Variants in CEL observed in about 807,000 individuals in gnomAD.
The protein encoded by CEL is carboxyl ester lipase.
A neutral mutation model predicts 57.1 loss-of-function variants in CEL; 39 were observed. The observed-to-expected ratio is 0.68, with a 90% confidence interval of 0.53 to 0.89. The LOEUF is 0.89. Ranked by LOEUF, CEL falls within the 40% of genes least tolerant of loss-of-function variation. The pLI is 0.00. For synonymous variants in CEL, 314 were observed against 396.6 expected (o/e 0.79, Z 2.48); for missense variants, 698 against 915.0 (o/e 0.76, Z 3.06).
Position 133,070,608 on chromosome 9 carries a change from G to T in CEL, c.1434G>T (p.Arg478Ser). 1.2e-6 allele frequency: 2 copies of T among 1,614,134 alleles called. No individual in the cohort carries two copies. The highest frequency in any genetic ancestry group is 8.5e-7 in the Non-Finnish European group (1 of 1,180,024). ...ATPTGYRPQD[R>S]TVSKAMIAYW... ...CCACGGGCTACCGGCCCCAAGACAG[G>T]ACAGTCTCTAAGGCCATGATCGCCT... Residue 478 changes from arginine to serine, a missense_variant, in exon 10 of 11, where the codon AGG becomes AGT. By Grantham distance (110) the Arg-to-Ser change is moderately radical. Transcript: ENST00000372080.
At position 133,065,036 on chromosome 9, in the gene CEL, T is replaced by C. The variant is rs1381915299; in HGVS notation, c.341-4T>C. On this transcript the variant is annotated splice_region_variant and splice_polypyrimidine_tract_variant and intron_variant, in intron 3 of 10. Transcript: ENST00000372080. ...TGGGGTCACCAGCCGCTCCCCCATC[T>C]CAGTCTCCCGGGACCTGCCCGTTAT... 2 of 1,612,108 alleles carry C rather than the reference T, an allele frequency of 1.2e-6. No homozygotes were observed. The highest frequency in any genetic ancestry group is 2.2e-5 in the East Asian group (1 of 44,838).
In CEL at chr9:133,066,909, G is replaced by T. The variant is rs1320889692; in HGVS notation, c.741G>T (p.Trp247Cys). Residue 247 changes from tryptophan to cysteine, a missense_variant, in exon 6 of 11, where the codon TGG (tryptophan) becomes TGT (cysteine). Around this residue, in one of 6 missense-constraint regions of CEL, gnomAD observed 327 missense variants for 374.1 expected, o/e 0.87. Coordinates refer to ENST00000372080, the MANE Select transcript of CEL (RefSeq NM_001807.6). This position sits in a 1 kb window ranked among gnomAD's most constrained non-coding sequence, Gnocchi z 4.3. ...ISQSGVALSPWVIQKNPLFWA... is the reference protein window; with the variant it reads ...ISQSGVALSPCVIQKNPLFWA... ...AGAGCGGCGTGGCCCTGAGTCCCTG[G>T]GTCATCCAGAAAAACCCACTCTTCT... 3.7e-6 allele frequency: 6 copies of T among 1,612,808 alleles called. No individual in the cohort carries two copies. The highest frequency in any genetic ancestry group is 5.1e-6 in the Non-Finnish European group (6 of 1,179,456).
chr9:133,071,230 C>T lies in CEL; in HGVS notation c.1728C>T (p.Asp576=). 1.3e-6 allele frequency: 2 copies of T among 1,591,972 alleles called. No homozygotes were observed. Among genetic ancestry groups the T allele is most frequent in the South Asian group, 2.3e-5 (2 of 87,208 alleles). ...SEATPVPPTG[D]SETAPVPPTG... is the part of the protein sequence containing the mutation. ...CCACTCCCGTGCCCCCCACGGGTGA[C>T]TCCGAGACCGCCCCCGTGCCGCCCA... is the stretch of plus-strand genomic sequence containing the variant. The change falls in exon 11 of 11, where the codon GAC becomes GAT. Residue 576 remains aspartate, a synonymous_variant. Transcript: ENST00000372080.
rs984492184 is a variant in CEL, at chr9:133,071,531, G to A, written c.2029G>A (p.Gly677Arg). Residue 677 changes from glycine (G) to arginine (R), a missense_variant, in exon 11 of 11, where the codon GGG becomes AGG. Physicochemically the swap from Gly to Arg is moderately radical, Grantham distance 125. Transcript: ENST00000372080. Reference protein sequence around the residue: ...APPVPPTGDAGPPPVPPTGDS... With the variant: ...APPVPPTGDARPPPVPPTGDS... ...CCCCGTGCCGCCCACGGGTGACGCCGGGCCCCCCCCCGTGCCGCCCACGGG... is the reference window on the plus strand; with the variant it reads ...CCCCGTGCCGCCCACGGGTGACGCCAGGCCCCCCCCCGTGCCGCCCACGGG... The A allele has an allele frequency of 9.2e-6, 8 of 865,876 alleles. No individual in the cohort carries two copies. The highest frequency in any genetic ancestry group is 9.0e-5 in the African/African-American group (4 of 44,526). 53.6% of individuals were successfully genotyped at this position (865,876 alleles called of 1,614,324 possible).
intron 1 of CEL, 86 bp from the exon 2 acceptor site, chr9:133,064,318 C>T (rs1830138379): frequency 6.3e-7 from 1 of 1,575,808 alleles, no homozygotes; most frequent in Non-Finnish European, 8.6e-7. Flanking sequence ...TGCCTCTGGG[C>T]ACGCGGAGTC....
chr9:133,066,506 C>T lies in CEL; in HGVS notation c.539-24C>T. On this transcript the variant is annotated intron_variant, in intron 4 of 10. Coordinates refer to ENST00000372080, the MANE Select transcript of CEL (RefSeq NM_001807.6). The surrounding 1 kb of genome is among the most constrained non-coding windows in gnomAD (Gnocchi z 4.3). ...AGGCCTGGGCCACTGGTCTCTAGCA[C>T]CCCCTCCCCTGCCCTGCCCCCAGGT... 1 of 1,613,644 alleles carries T rather than the reference C, an allele frequency of 6.2e-7. No individual in the cohort carries two copies. Among genetic ancestry groups the T allele is most frequent in the South Asian group, 1.1e-5 (1 of 91,088 alleles).
At position 133,071,057 on chromosome 9, in the gene CEL, C is replaced by G; in HGVS notation, c.1555C>G (p.Leu519Val). 1 of 1,613,234 alleles carries G rather than the reference C, an allele frequency of 6.2e-7. No homozygotes were observed. Among genetic ancestry groups the G allele is most frequent in the Non-Finnish European group, 8.5e-7 (1 of 1,179,830 alleles). The change falls in exon 11 of 11, where the codon CTG (leucine) becomes GTG (valine). Residue 519 changes from leucine to valine, a missense_variant. Coordinates refer to ENST00000372080, the MANE Select transcript of CEL (RefSeq NM_001807.6). ...CTACACTACGGAAAACAGCGGCTACCTGGAGATCACCAAGAAGATGGGCAG... is the reference window on the plus strand; with the variant it reads ...CTACACTACGGAAAACAGCGGCTACGTGGAGATCACCAAGAAGATGGGCAG... ...EPYTTENSGY[L>V]EITKKMGSSS...
Position 133,064,564 on chromosome 9 carries a change from G to C in CEL, c.217+10G>C. On this transcript the variant is annotated intron_variant, in intron 2 of 10. Coordinates refer to ENST00000372080, the MANE Select transcript of CEL (RefSeq NM_001807.6). ...CATCCTGGCTGGCAAGGTGGGAGTG[G>C]GTGGTGCCGGACTGGCCCTGCGGCG... 1 of 1,614,112 alleles carries C rather than the reference G, an allele frequency of 6.2e-7. No homozygotes were observed. The highest frequency in any genetic ancestry group is 8.5e-7 in the Non-Finnish European group (1 of 1,179,984).
At chr9:133,068,602 G>A in intron 7 of CEL, 70 bp from the exon 8 acceptor site, 1 of 1,609,312 alleles carries the variant, frequency 6.2e-7, no homozygotes, top group African/African-American at 1.3e-5. Flanking sequence ...CCAGCCCTGA[G>A]AGGCAAGGGG....
intron 10 of CEL, 75 bp from the exon 11 acceptor site, chr9:133,070,912 G>A (rs11243991): frequency 6.4e-7 from 1 of 1,551,684 alleles, no homozygotes; most frequent in Non-Finnish European, 8.8e-7. Flanking sequence ...GGATGGCTCA[G>A]GCGTGCAGGT....
Position 133,065,253 on chromosome 9 carries a change from C to T in CEL, c.538+16C>T, listed in dbSNP as rs766092391. ...AATCTGCCAGGTGCGTGGGTGCCTTCGGCCCTGAGGTGGGGCGACCAGCAT... is the reference window on the plus strand; with the variant it reads ...AATCTGCCAGGTGCGTGGGTGCCTTTGGCCCTGAGGTGGGGCGACCAGCAT... On this transcript the variant is annotated intron_variant, in intron 4 of 10. Transcript: ENST00000372080. The T allele has an allele frequency of 6.2e-6, 10 of 1,610,988 alleles. No individual in the cohort carries two copies. The East Asian group carries it at 1.1e-4, about 18-fold the overall frequency.
At chr9:133,064,981 C>A in intron 3 of CEL, 59 bp from the exon 4 acceptor site, 2 of 1,600,814 alleles carry the variant, frequency 1.2e-6, no homozygotes, top group South Asian at 2.2e-5. Context: ...GGACAGGGGA[C>A]CGGCTGGAGA....
rs370344006 is a variant in CEL, at chr9:133,065,159, G to A, written c.460G>A (p.Gly154Arg). 1.2e-4 allele frequency: 197 copies of A among 1,613,806 alleles called. No individual in the cohort carries two copies. Among genetic ancestry groups the A allele is most frequent in the Middle Eastern group, 1.6e-4 (1 of 6,084 alleles). Residue 154 changes from glycine (G) to arginine (R), a missense_variant, in exon 4 of 11, where the codon GGA becomes AGA. Physicochemically the swap from Gly to Arg is moderately radical, Grantham distance 125. Coordinates refer to ENST00000372080, the MANE Select transcript of CEL (RefSeq NM_001807.6). ...TGACGGCGAGGAGATCGCCACACGC[G>A]GAAACGTCATCGTGGTCACCTTCAA... is the stretch of plus-strand genomic sequence containing the variant. The part of the protein sequence containing the change: ...LYDGEEIATR[G>R]NVIVVTFNYR...
At chr9:133,063,335 C>G (rs56028726) in intron 1 of CEL, among the ~76,000 whole-genome samples, 41 of 152,290 alleles carry the variant, frequency 2.7e-4, no homozygotes, top group Non-Finnish European at 5.1e-4. Flanking sequence ...CACAAGGAGA[C>G]ACAGATGCCT....
Position 133,066,907 on chromosome 9 carries a change from TG to T in CEL, c.742del (p.Val248SerfsTer31), listed in dbSNP as rs1363628882. 1 of 1,383,832 alleles carries T rather than the reference TG, an allele frequency of 7.2e-7. No individual in the cohort carries two copies. Among genetic ancestry groups the T allele is most frequent in the Non-Finnish European group, 9.6e-7 (1 of 1,045,932 alleles). The allele number at this position is 1,383,832 out of a possible 1,614,324, so 85.7% of individuals were successfully genotyped here. Reference protein sequence around the residue: ...ISQSGVALSPWVIQKNPLFWA... With the variant: ...ISQSGVALSPXVIQKNPLFWA... ...CCAGAGCGGCGTGGCCCTGAGTCCCTGGGTCATCCAGAAAAACCCACTCTTC... is the reference window on the plus strand; with the variant it reads ...CCAGAGCGGCGTGGCCCTGAGTCCCTGGTCATCCAGAAAAACCCACTCTTC... On this transcript the variant is annotated frameshift_variant, in exon 6 of 11. Coordinates refer to ENST00000372080, the MANE Select transcript of CEL (RefSeq NM_001807.6). LOFTEE classifies it high-confidence loss of function. This position sits in a 1 kb window ranked among gnomAD's most constrained non-coding sequence, Gnocchi z 4.3.
Position 133,071,310 on chromosome 9 carries a change from C to A in CEL, c.1808C>A (p.Pro603His). The change falls in exon 11 of 11, where the codon CCC (proline) becomes CAC (histidine). Residue 603 changes from proline to histidine, a missense_variant. By Grantham distance (77) the Pro-to-His change is moderately conservative (BLOSUM62 -2). Around this residue, in one of 6 missense-constraint regions of CEL, gnomAD observed 238 missense variants for 213.7 expected, o/e 1.11. Coordinates refer to ENST00000372080, the MANE Select transcript of CEL (RefSeq NM_001807.6). ...CCCACGGGTGACTCCGGGGCCCCCC[C>A]CGTGCCGCCCACGGGTGACTCCGGG... ...VPPTGDSGAP[P>H]VPPTGDSGAP... 3 of 517,652 alleles carry A rather than the reference C, an allele frequency of 5.8e-6. No homozygotes were observed. Among genetic ancestry groups the A allele is most frequent in the South Asian group, 4.2e-5 (2 of 47,760 alleles). 32.1% of individuals were successfully genotyped at this position (517,652 alleles called of 1,614,324 possible). A position where few individuals can be genotyped will look rare whatever the true frequency, so the allele number is the denominator to read the frequency against.
intron 1 of CEL, among the ~76,000 whole-genome samples, chr9:133,063,227 G>A (rs1830119381): frequency 1.3e-5 from 2 of 152,200 alleles, no homozygotes; most frequent in South Asian, 4.1e-4. Flanking sequence ...TCTTCTTGGG[G>A]TGCTGAGAGG....
At position 133,071,685 on chromosome 9, in the gene CEL, C is replaced by T. The variant is rs368228940; in HGVS notation, c.2183C>T (p.Thr728Met). ...TCCGGGGCCCCCCCTGTGCCCCCCA[C>T]GGGTGACTCTGAGGCTGCCCCTGTG... ...GDSGAPPVPP[T>M]GDSEAAPVPP... The change falls in exon 11 of 11, where the codon ACG (threonine) becomes ATG (methionine). Residue 728 changes from threonine (T) to methionine (M), a missense_variant. Around this residue, in one of 6 missense-constraint regions of CEL, gnomAD observed 238 missense variants for 213.7 expected, o/e 1.11. Coordinates refer to ENST00000372080, the MANE Select transcript of CEL (RefSeq NM_001807.6). The T allele has an allele frequency of 1.2e-4, 186 of 1,607,258 alleles. 1 individual carries two copies. Among genetic ancestry groups the T allele is most frequent in the Non-Finnish European group, 1.4e-4 (167 of 1,176,130 alleles).
Position 133,066,877 on chromosome 9 carries a change from A to G in CEL, c.709A>G (p.Ile237Val), listed in dbSNP as rs368907057. ...CAACAAGGGCCTCATCCGGCGAGCC[A>G]TCAGCCAGAGCGGCGTGGCCCTGAG... ...PYNKGLIRRA[I>V]SQSGVALSPW... is the part of the protein sequence containing the mutation. The change falls in exon 6 of 11, where the codon ATC (isoleucine) becomes GTC (valine). Residue 237 changes from isoleucine (I) to valine (V), a missense_variant. Physicochemically the swap from Ile to Val is conservative, Grantham distance 29. Coordinates refer to ENST00000372080, the MANE Select transcript of CEL (RefSeq NM_001807.6). This position sits in a 1 kb window ranked among gnomAD's most constrained non-coding sequence, Gnocchi z 4.3. The G allele has an allele frequency of 1.1e-5, 17 of 1,613,176 alleles. No individual in the cohort carries two copies. In the African/African-American group the frequency reaches 1.3e-4, roughly 13 times the overall value.
Sources: gnomAD v4.1 joint callset for allele counts (sites outside exome capture counted in the v4.1 genomes callset) on GRCh38, gnomAD v4.1.1 for gene constraint, gnomAD v4.1.1 regional missense constraint, Gnocchi (gnomAD v3.1) non-coding constraint, MANE v1.5 for transcripts, NCBI Gene and HGNC (gene_info 2026-07-23, HGNC 2026-07-21) for gene names.